NPNT: variants seen among roughly 807,000 people sequenced by gnomAD.
The protein encoded by NPNT is preosteoblast EGF-like repeat protein with MAM domain.
NPNT carries 45 observed loss-of-function variants against 68.6 expected under a neutral mutation model. The observed-to-expected ratio is 0.66, with a 90% CI of 0.52 to 0.84. NPNT has a LOEUF of 0.84. NPNT is among the 40% of genes least tolerant of loss of function. NPNT has a pLI of 0.00. For synonymous variants in NPNT, 233 were observed against 253.3 expected (o/e 0.92, Z 0.76); for missense variants, 672 against 714.8 (o/e 0.94, Z 0.68).
chr4:105,937,727 G>A (rs1371307161), intron 4 of NPNT, among the ~76,000 whole-genome samples: 1 of 152,146 alleles, frequency 6.6e-6, no homozygotes, highest in Non-Finnish European at 1.5e-5. Context: ...TCATTTGGAT[G>A]TAAAAAATGG....
At chr4:105,937,280 A>G in intron 4 of NPNT, 152 bp downstream of exon 4, 2 of 671,876 alleles carry the variant, frequency 3.0e-6, no homozygotes, top group East Asian at 2.9e-5. Flanking sequence ...GAAAATCAAA[A>G]TAAGAGGCAC....
chr4:105,922,154 T>C (rs549646811), intron 2 of NPNT, among the ~76,000 whole-genome samples: 1 of 152,176 alleles, frequency 6.6e-6, no homozygotes, highest in South Asian at 2.1e-4. Flanking sequence ...TGAGATTGGA[T>C]TGGCTTTTGC....
intron 2 of NPNT, among the ~76,000 whole-genome samples, chr4:105,903,930 G>A (rs1039255390): frequency 6.6e-5 from 10 of 151,914 alleles, no homozygotes; most frequent in African/African-American, 2.2e-4. Context: ...GACCACAGGT[G>A]TGAGCGACCA....
intron 2 of NPNT, among the ~76,000 whole-genome samples, chr4:105,910,120 C>T (rs538172233): frequency 4.6e-5 from 7 of 151,664 alleles, no homozygotes; most frequent in South Asian, 2.1e-4. Context: ...TTTCCTAACA[C>T]GGTCCAAAGT....
chr4:105,919,125 C>T (rs1397403695), intron 2 of NPNT, among the ~76,000 whole-genome samples: 1 of 152,074 alleles, frequency 6.6e-6, no homozygotes, highest in Non-Finnish European at 1.5e-5. Flanking sequence ...TGTTATTGTA[C>T]TCCTTTTTAT....
chr4:105,905,861 T>C (rs920637399), intron 2 of NPNT, among the ~76,000 whole-genome samples: 2 of 152,230 alleles, frequency 1.3e-5, no homozygotes, highest in Non-Finnish European at 2.9e-5. Context: ...ATCTGTAATG[T>C]AAAGGAGAGT....
chr4:105,930,197 C>T (rs557667232), intron 3 of NPNT, among the ~76,000 whole-genome samples: 2 of 152,252 alleles, frequency 1.3e-5, no homozygotes, highest in Admixed American at 1.3e-4. Flanking sequence ...GAGCAGAAAT[C>T]CTTTTTGTTG....
chr4:105,913,842 G>A (rs1012434541), intron 2 of NPNT, among the ~76,000 whole-genome samples: 1 of 151,998 alleles, frequency 6.6e-6, no homozygotes, highest in South Asian at 2.1e-4. Context: ...ATAAACCTCC[G>A]AGTGGAACAG....
intron 3 of NPNT, among the ~76,000 whole-genome samples, chr4:105,936,074 G>T (rs549842766): frequency 6.6e-6 from 1 of 152,052 alleles, no homozygotes; most frequent in Admixed American, 6.5e-5. Flanking sequence ...ATGTTTATTT[G>T]TCATTATGAG....
intron 3 of NPNT, among the ~76,000 whole-genome samples, chr4:105,935,710 C>T (rs142407074): frequency 3.9e-5 from 6 of 152,218 alleles, no homozygotes; most frequent in South Asian, 4.1e-4. Flanking sequence ...TTGCCCAGCT[C>T]GGGGTCTGCT....
intron 8 of NPNT, among the ~76,000 whole-genome samples, chr4:105,950,267 AT>A (rs748030829): frequency 6.6e-6 from 1 of 152,070 alleles, no homozygotes; most frequent in Non-Finnish European, 1.5e-5. Flanking sequence ...CAGGAAACAG[AT>A]TTTTTTTCCC....
chr4:105,917,382 A>G (rs1357202329), intron 2 of NPNT, among the ~76,000 whole-genome samples: 3 of 152,128 alleles, frequency 2.0e-5, no homozygotes, highest in Admixed American at 6.5e-5. Context: ...TATCTTTCCT[A>G]TTCCTGCCTC....
At chr4:105,897,815 A>G in intron 1 of NPNT, 86 bp from the exon 2 acceptor site, 1 of 1,080,732 alleles carries the variant, frequency 9.3e-7, no homozygotes, top group Non-Finnish European at 1.4e-6. Context: ...GGTGTGGTTG[A>G]CATTTTTTCT....
rs200457715 is a variant in NPNT, at chr4:105,904,448, CT to C, written c.172+6451del. ...CCTTGATTTTAGGATTCTTTGATCC[CT>C]TTTCTTTCCCAAGAAATCCCTCTGA... On this transcript the variant is annotated intron_variant, in intron 2 of 11. Transcript: ENST00000379987. 6.4e-3 allele frequency among the ~76,000 whole-genome samples: 972 copies of C among 152,240 alleles called. 6 individuals carry two copies. Among genetic ancestry groups the C allele is most frequent in the Non-Finnish European group, 8.0e-3 (544 of 68,008 alleles).
intron 7 of NPNT, among the ~76,000 whole-genome samples, chr4:105,941,686 A>G (rs58034519): frequency 1.6e-3 from 239 of 152,276 alleles, no homozygotes; most frequent in African/African-American, 5.4e-3. Flanking sequence ...GATTTCACAG[A>G]TGATCTTTGC....
intron 2 of NPNT, chr4:105,911,815 C>G: frequency 4.9e-6 from 1 of 204,634 alleles, no homozygotes. Context: ...GATGTGTTTT[C>G]CAACTCCAAT....
At chr4:105,952,528 C>T (rs763206891) in intron 8 of NPNT, among the ~76,000 whole-genome samples, 4 of 151,958 alleles carry the variant, frequency 2.6e-5, no homozygotes, top group African/African-American at 9.7e-5. Context: ...GGCAGCAGAG[C>T]GAGACTCTAT....
chr4:105,927,470 T>G, intron 3 of NPNT, 42 bp downstream of exon 3: 1 of 1,166,406 alleles, frequency 8.6e-7, no homozygotes, highest in Non-Finnish European at 1.3e-6. Flanking sequence ...CGAAGACACC[T>G]CTATCACTCC....
At chr4:105,939,998 C>A in intron 5 of NPNT, 77 bp from the exon 6 acceptor site, 1 of 1,256,176 alleles carries the variant, frequency 8.0e-7, no homozygotes, top group South Asian at 1.2e-5. Context: ...CATTTGTAGT[C>A]AGTTATTTAT....
Sources: allele counts gnomAD v4.1 joint callset (sites outside exome capture counted in the v4.1 genomes callset), GRCh38; gene constraint gnomAD v4.1.1; transcripts MANE v1.5; gene names NCBI Gene and HGNC (gene_info 2026-07-23, HGNC 2026-07-21).